PRUNE1: variants seen among roughly 807,000 people sequenced by gnomAD.
PRUNE1 encodes prune exopolyphosphatase 1.
In PRUNE1, 25 loss-of-function variants were observed where a neutral mutation model predicts 42.5. The ratio of observed to expected loss-of-function variants is 0.59; its 90% CI spans 0.43 to 0.82. The LOEUF (loss-of-function observed/expected upper bound fraction) is 0.82. Ranked by LOEUF, PRUNE1 falls within the 40% of genes least tolerant of loss-of-function variation. The pLI, the probability that PRUNE1 is intolerant of heterozygous loss-of-function variation, is 0.00. For synonymous variants in PRUNE1, 203 were observed against 217.1 expected, an observed-to-expected ratio of 0.93 and a Z score of 0.57; for missense variants, 443 against 539.3, an observed-to-expected ratio of 0.82 and a Z score of 1.77.
chr1:151,026,731 T>G (rs1268341334), intron 5 of PRUNE1, among the ~76,000 whole-genome samples: 1 of 152,060 alleles, frequency 6.6e-6, no homozygotes, highest in Non-Finnish European at 1.5e-5. Context: ...AGATAAAAAG[T>G]AAAAGCCTCT....
rs1452941157 is a variant in PRUNE1 at position 151,024,623 on chromosome 1, C to T, written c.348C>T (p.Ala116=). 1 of 1,608,896 alleles carries T rather than the reference C, an allele frequency of 6.2e-7. No individual in the cohort carries two copies. Among genetic ancestry groups the T allele is most frequent in the Non-Finnish European group, 8.5e-7 (1 of 1,175,250 alleles). ...DHHILSKSDT[A]LEEAVAEVLD... ...CTCCCCTCCACAGAAGTGACACAGC[C>T]CTAGAGGAGGCAGTAGCAGAGGTGC... The change falls in exon 4 of 8, where the codon GCC becomes GCT. Residue 116 remains alanine, a synonymous_variant. Transcript: ENST00000271620.
rs373152187 is a variant in PRUNE1 at position 151,034,169 on chromosome 1, G to A, written c.1297G>A (p.Val433Ile). 3.5e-5 allele frequency: 57 copies of A among 1,614,014 alleles called. 1 individual carries two copies. Among genetic ancestry groups the A allele is most frequent in the Non-Finnish European group, 4.3e-5 (51 of 1,180,040 alleles). The change falls in exon 8 of 8, where the codon GTC (valine) becomes ATC (isoleucine). Residue 433 changes from valine (V) to isoleucine (I), a missense_variant. Coordinates refer to ENST00000271620, the MANE Select transcript of PRUNE1 (RefSeq NM_021222.3). ...GCTGCCTAAACTCTCTGCTGAGGCC[G>A]TCTTCGAGAAGTGCAGTCAGATCTC... ...QGLPKLSAEA[V>I]FEKCSQISLS...
intron 7 of PRUNE1, among the ~76,000 whole-genome samples, chr1:151,030,262 CAAAAA>C (rs779376441): frequency 1.2e-5 from 1 of 86,066 alleles, no homozygotes; most frequent in Non-Finnish European, 2.6e-5. Flanking sequence ...ACTCCGTCTC[CAAAAA>C]AAAAAAAAAA....
chr1:151,023,689 G>C (rs1674627583), intron 3 of PRUNE1, among the ~76,000 whole-genome samples: 1 of 149,994 alleles, frequency 6.7e-6, no homozygotes, highest in Non-Finnish European at 1.5e-5. Flanking sequence ...CTGCACTCCA[G>C]CCTGGGCGAC....
chr1:151,032,397 A>C (rs1363602332), intron 7 of PRUNE1, among the ~76,000 whole-genome samples: 1 of 152,100 alleles, frequency 6.6e-6, no homozygotes, highest in Non-Finnish European at 1.5e-5. Flanking sequence ...TCTATTAAAT[A>C]AAAAATACAA....
chr1:151,027,066 C>T (rs1194373531), intron 5 of PRUNE1, among the ~76,000 whole-genome samples, 167 bp from the exon 6 acceptor site: 2 of 151,820 alleles, frequency 1.3e-5, no homozygotes, highest in East Asian at 3.9e-4. Context: ...GATTACAGGC[C>T]TGAGTCACCG....
intron 3 of PRUNE1, among the ~76,000 whole-genome samples, chr1:151,019,197 A>G (rs1674275640): frequency 6.6e-6 from 1 of 152,182 alleles, no homozygotes; most frequent in Admixed American, 6.6e-5. Flanking sequence ...AAAGAAATAG[A>G]ACGTGTTGAG....
chr1:151,012,382 C>T (rs1035146870), intron 1 of PRUNE1, among the ~76,000 whole-genome samples: 4 of 152,112 alleles, frequency 2.6e-5, no homozygotes, highest in Non-Finnish European at 4.4e-5. Context: ...TTGGTTTTCC[C>T]CTGTGTAATC....
chr1:151,021,767 G>T (rs1333602083), intron 3 of PRUNE1, among the ~76,000 whole-genome samples: 3 of 150,788 alleles, frequency 2.0e-5, no homozygotes, highest in African/African-American at 7.3e-5. Context: ...GCCTAGGTTG[G>T]AGTGCAATAG....
At position 151,009,285 on chromosome 1, in the gene PRUNE1, A is replaced by G. The variant is rs587631585; in HGVS notation, c.39+614A>G. ...CAGGCATATTTGTTGACCCACAACC[A>G]GCATTCCTTTGCCTCCAGGTTTCTC... On this transcript the variant is annotated intron_variant, in intron 1 of 7. Transcript: ENST00000271620. Among the ~76,000 whole-genome samples the G allele has an allele frequency of 2.0e-5, 3 of 152,372 alleles. No individual in the cohort carries two copies. In the East Asian group the frequency reaches 5.8e-4, roughly 29 times the overall value.
Position 151,018,470 on chromosome 1 carries a change from A to G in PRUNE1, c.136A>G (p.Thr46Ala), listed in dbSNP as rs973515156. ...TTCTTTTCACTTTCCTATCTAGACA[A>G]CTGAGGCTGAGGAAGTCTTTGTGCC... Reference protein sequence around the residue: ...LALAFYLAKTTEAEEVFVPVL... With the variant: ...LALAFYLAKTAEAEEVFVPVL... The change falls in exon 3 of 8, where the codon ACT becomes GCT. Residue 46 changes from threonine (T) to alanine (A), a missense_variant. Thr to Ala is a moderately conservative substitution (Grantham distance 58). Coordinates refer to ENST00000271620, the MANE Select transcript of PRUNE1 (RefSeq NM_021222.3). 1 of 1,609,886 alleles carries G rather than the reference A, an allele frequency of 6.2e-7. No homozygotes were observed. Among genetic ancestry groups the G allele is most frequent in the Non-Finnish European group, 8.5e-7 (1 of 1,176,316 alleles).
chr1:151,027,124 C>A, intron 5 of PRUNE1, 109 bp from the exon 6 acceptor site: 1 of 678,264 alleles, frequency 1.5e-6, no homozygotes, highest in South Asian at 1.8e-5. Context: ...TTCATTGCCC[C>A]AAAGAGAGGC....
chr1:151,015,048 C>T (rs1674012703), intron 1 of PRUNE1, among the ~76,000 whole-genome samples: 2 of 152,216 alleles, frequency 1.3e-5, no homozygotes, highest in African/African-American at 2.4e-5. Context: ...AAAAATTTGG[C>T]TGGGCGTGGT....
At chr1:151,024,868 A>C in intron 4 of PRUNE1, 73 bp downstream of exon 4, 1 of 1,453,996 alleles carries the variant, frequency 6.9e-7, no homozygotes, top group Non-Finnish European at 9.3e-7. Flanking sequence ...GGAAAAGTCT[A>C]GACGCTTCCA....
chr1:151,017,963 TCAA>T, intron 2 of PRUNE1, 59 bp downstream of exon 2: 1 of 1,222,604 alleles, frequency 8.2e-7, no homozygotes, highest in Non-Finnish European at 1.2e-6. Flanking sequence ...AGATCTGGAT[TCAA>T]GACCCAGCTC....
intron 3 of PRUNE1, 35 bp from the exon 4 acceptor site, chr1:151,024,576 T>C: frequency 6.4e-7 from 1 of 1,554,538 alleles, no homozygotes; most frequent in Non-Finnish European, 8.9e-7. Flanking sequence ...CGTACCTATC[T>C]TTCTTCCTCT....
At chr1:151,024,087 C>G (rs1674660206) in intron 3 of PRUNE1, among the ~76,000 whole-genome samples, 1 of 150,246 alleles carries the variant, frequency 6.7e-6, no homozygotes, top group Non-Finnish European at 1.5e-5. Context: ...ACCCAGGAGG[C>G]TGAGGCAGGA....
intron 5 of PRUNE1, 27 bp from the exon 6 acceptor site, chr1:151,027,206 A>G (rs1674900001): frequency 6.5e-7 from 1 of 1,544,738 alleles, no homozygotes; most frequent in African/African-American, 1.4e-5. Flanking sequence ...ACCCTGTTTG[A>G]CCCCTAGTCT....
intron 1 of PRUNE1, among the ~76,000 whole-genome samples, chr1:151,017,476 G>A (rs146118632): frequency 1.3e-5 from 2 of 152,170 alleles, no homozygotes; most frequent in Admixed American, 1.3e-4. Flanking sequence ...GGAGAGGCCA[G>A]GCACAGTGGC....
Sources: gnomAD v4.1 joint callset for allele counts (sites outside exome capture counted in the v4.1 genomes callset) on GRCh38, gnomAD v4.1.1 for gene constraint, MANE v1.5 for transcripts, NCBI Gene and HGNC (gene_info 2026-07-23, HGNC 2026-07-21) for gene names.